Variants in EPHA5 observed in about 807,000 individuals in gnomAD.
EPHA5 encodes the protein ephrin type-A receptor 5.
In EPHA5, 60 loss-of-function variants were observed where a neutral mutation model predicts 105.0. That is an observed-to-expected ratio of 0.57 (90% confidence interval 0.46 to 0.71). The LOEUF (loss-of-function observed/expected upper bound fraction) is 0.71. Ranked by LOEUF, EPHA5 falls within the 30% of genes least tolerant of loss-of-function variation. The probability of loss-of-function intolerance (pLI) is 0.00; values close to 1 mark genes in which losing one functional copy is unlikely to be tolerated. For missense variants in EPHA5, 1,218 were observed against 1,274.7 expected (o/e 0.96, Z 0.68); for synonymous variants, 513 against 449.1 (o/e 1.14, Z -1.80).
At chr4:65,635,180 G>T (rs994082680) in intron 2 of EPHA5, among the ~76,000 whole-genome samples, 5 of 151,942 alleles carry the variant, frequency 3.3e-5, no homozygotes, top group Non-Finnish European at 5.9e-5. Flanking sequence ...AGAACAAAGC[G>T]ACAATAAAAC....
rs777066757 is a variant in EPHA5 at position 65,522,316 on chromosome 4, G to GTGTGTGTATATATATATATATATA, written c.911-26774_911-26773insTATATATATATATATATACACACA. On this transcript the variant is annotated intron_variant, in intron 3 of 16. Transcript: ENST00000613740. ...GAAATATGTGTGTGTATATATATATGTATATATATATATATATAAAATCAA... is the reference window on the plus strand; with the variant it reads ...GAAATATGTGTGTGTATATATATATGTGTGTGTATATATATATATATATATATATATATATATATATAAAATCAA... Among the ~76,000 whole-genome samples the GTGTGTGTATATATATATATATATA allele has an allele frequency of 5.0e-3, 719 of 142,830 alleles. 3 individuals are homozygous for GTGTGTGTATATATATATATATATA. The highest frequency in any genetic ancestry group is 0.018 in the African/African-American group (666 of 37,328). 93.7% of individuals were successfully genotyped at this position (142,830 alleles called of 152,430 possible).
At chr4:65,668,717 G>A (rs980000023) in intron 1 of EPHA5, among the ~76,000 whole-genome samples, 1 of 152,078 alleles carries the variant, frequency 6.6e-6, no homozygotes, top group Non-Finnish European at 1.5e-5. Context: ...TCTGGGTCTG[G>A]AGCACAGGAT....
chr4:65,336,217 T>C, intron 14 of EPHA5, 92 bp from the exon 15 acceptor site: 1 of 1,004,234 alleles, frequency 1.0e-6, no homozygotes, highest in Non-Finnish European at 1.4e-6. Context: ...TTTTATCCTT[T>C]CTTATCCTTA....
At chr4:65,607,776 A>G (rs1287715748) in intron 2 of EPHA5, among the ~76,000 whole-genome samples, 5 of 152,194 alleles carry the variant, frequency 3.3e-5, no homozygotes, top group African/African-American at 9.6e-5. Flanking sequence ...CACTGTGGCA[A>G]TTCCTCAAGG....
At chr4:65,468,366 A>G (rs898346023) in intron 5 of EPHA5, among the ~76,000 whole-genome samples, 1 of 151,224 alleles carries the variant, frequency 6.6e-6, no homozygotes, top group African/African-American at 2.4e-5. Flanking sequence ...TCAAAGTGAG[A>G]AAGATTCTAG....
chr4:65,377,638 C>A (rs1719142692), intron 8 of EPHA5, among the ~76,000 whole-genome samples: 1 of 151,856 alleles, frequency 6.6e-6, no homozygotes, highest in Non-Finnish European at 1.5e-5. Flanking sequence ...AAAACAGTAT[C>A]TCCAAATATA....
chr4:65,401,125 T>C (rs138210705), intron 8 of EPHA5, among the ~76,000 whole-genome samples: 17 of 152,060 alleles, frequency 1.1e-4, no homozygotes, highest in Admixed American at 3.9e-4. Flanking sequence ...GCAACATATA[T>C]AATCCTATAT....
At chr4:65,513,552 A>T (rs1042499720) in intron 3 of EPHA5, among the ~76,000 whole-genome samples, 3 of 151,892 alleles carry the variant, frequency 2.0e-5, no homozygotes, top group Non-Finnish European at 2.9e-5. Flanking sequence ...ACGCCCGACT[A>T]ATTTTTGTGA....
At chr4:65,574,631 T>TATATATACACATATATATATATACAC (rs1740629595) in intron 3 of EPHA5, among the ~76,000 whole-genome samples, 1 of 81,670 alleles carries the variant, frequency 1.2e-5, no homozygotes, top group African/African-American at 4.0e-5. Context: ...TATATACACA[T>TATATATACACATATATATATATACAC]ATATATATAC....
At chr4:65,395,070 A>C (rs576308300) in intron 8 of EPHA5, among the ~76,000 whole-genome samples, 20 of 152,156 alleles carry the variant, frequency 1.3e-4, no homozygotes, top group Admixed American at 4.6e-4. Context: ...AGCTTGAAGA[A>C]AACTTTCTAA....
intron 7 of EPHA5, among the ~76,000 whole-genome samples, chr4:65,409,409 T>C (rs1234286841): frequency 6.6e-6 from 1 of 151,574 alleles, no homozygotes; most frequent in Non-Finnish European, 1.5e-5. Flanking sequence ...TAATATTCTT[T>C]AGTAAATAAT....
At chr4:65,341,073 T>C (rs1721668834) in intron 14 of EPHA5, among the ~76,000 whole-genome samples, 1 of 152,062 alleles carries the variant, frequency 6.6e-6, no homozygotes, top group African/African-American at 2.4e-5. Context: ...TCCTCAATTT[T>C]TCTTAGAAAA....
intron 1 of EPHA5, among the ~76,000 whole-genome samples, chr4:65,657,316 C>CA (rs1409522129): frequency 4.0e-5 from 6 of 151,232 alleles, no homozygotes; most frequent in Admixed American, 6.6e-5. Context: ...ATGCTTAAGG[C>CA]AAAAAAAATT....
At chr4:65,392,055 G>A (rs958650929) in intron 8 of EPHA5, among the ~76,000 whole-genome samples, 3 of 152,042 alleles carry the variant, frequency 2.0e-5, no homozygotes, top group Non-Finnish European at 2.9e-5. Context: ...ACCCTCTTAC[G>A]TTCAGTTTCC....
At chr4:65,391,001 A>G (rs1228388270) in intron 8 of EPHA5, among the ~76,000 whole-genome samples, 2 of 152,070 alleles carry the variant, frequency 1.3e-5, no homozygotes, top group Non-Finnish European at 2.9e-5. Context: ...ACAATCCTGA[A>G]TCATTGTGGA....
At chr4:65,339,619 T>C (rs566969023) in intron 14 of EPHA5, among the ~76,000 whole-genome samples, 2 of 152,226 alleles carry the variant, frequency 1.3e-5, no homozygotes, top group African/African-American at 4.8e-5. Flanking sequence ...GAAATAAATG[T>C]GAGCTATACA....
At chr4:65,333,535 GTGTC>G (rs1212348934) in intron 15 of EPHA5, among the ~76,000 whole-genome samples, 12 of 30,836 alleles carry the variant, frequency 3.9e-4, no homozygotes, top group African/African-American at 1.5e-3. Flanking sequence ...GTGAGAGTGT[GTGTC>G]TGTGTGTGTG....
At chr4:65,484,937 GAACAGAAC>G (rs1362135002) in intron 5 of EPHA5, among the ~76,000 whole-genome samples, 1 of 151,858 alleles carries the variant, frequency 6.6e-6, no homozygotes, top group Admixed American at 6.6e-5. Context: ...TAAAAGAATA[GAACAGAAC>G]AACAGAAGTG....
At chr4:65,370,266 TAA>T (rs750005255) in intron 8 of EPHA5, among the ~76,000 whole-genome samples, 4 of 152,146 alleles carry the variant, frequency 2.6e-5, no homozygotes, top group Non-Finnish European at 5.9e-5. Context: ...TCTTTCAAGC[TAA>T]GTTTTAAGTT....
Sources: gnomAD v4.1 joint callset for allele counts (sites outside exome capture counted in the v4.1 genomes callset) on GRCh38, gnomAD v4.1.1 for gene constraint, MANE v1.5 for transcripts, NCBI Gene and HGNC (gene_info 2026-07-23, HGNC 2026-07-21) for gene names.